The following CCDC192 variants were observed in gnomAD, a reference collection of about 807,000 sequenced individuals.
CCDC192 encodes coiled-coil domain-containing protein 192.
In CCDC192 at chr5:127,844,747, C is replaced by T. The variant is rs1041733452; in HGVS notation, c.412-30791C>T. Among the ~76,000 whole-genome samples the T allele has an allele frequency of 1.3e-5, 2 of 152,268 alleles. 1 individual carries two copies. Among genetic ancestry groups the T allele is most frequent in the African/African-American group, 4.8e-5 (2 of 41,544 alleles). On this transcript the variant is annotated intron_variant, in intron 5 of 6. Coordinates refer to ENST00000514853, the MANE Select transcript of CCDC192 (RefSeq NM_001317938.2). ...AGTGGCAGCCTGCCGAGCAGCCCAG[C>T]CAACAGTGCCCTGTCTTTGCTCTTT... is the stretch of plus-strand genomic sequence containing the variant.
intron 5 of CCDC192, among the ~76,000 whole-genome samples, chr5:127,799,154 C>T (rs1481874753): frequency 6.6e-6 from 1 of 152,146 alleles, no homozygotes; most frequent in Non-Finnish European, 1.5e-5. Flanking sequence ...GCCCCTCAGA[C>T]AGACCTGAGA....
At chr5:127,814,814 A>G (rs980499077) in intron 5 of CCDC192, among the ~76,000 whole-genome samples, 3 of 152,210 alleles carry the variant, frequency 2.0e-5, no homozygotes, top group East Asian at 3.8e-4. Context: ...CTAGCTGCAC[A>G]GCTCCCACTG....
intron 2 of CCDC192, among the ~76,000 whole-genome samples, chr5:127,719,275 A>T (rs771361389): frequency 2.0e-5 from 3 of 151,824 alleles, no homozygotes; most frequent in Non-Finnish European, 4.4e-5. Context: ...TACATCTACC[A>T]CATTTTCTTT....
intron 5 of CCDC192, among the ~76,000 whole-genome samples, chr5:127,807,169 T>C (rs1298642982): frequency 6.6e-6 from 1 of 152,214 alleles, no homozygotes; most frequent in African/African-American, 2.4e-5. Context: ...AAGTGTTCAA[T>C]AAATCTATTA....
chr5:127,783,765 A>C (rs930712649), intron 3 of CCDC192, among the ~76,000 whole-genome samples: 1 of 151,940 alleles, frequency 6.6e-6, no homozygotes, highest in African/African-American at 2.4e-5. Context: ...ATTGCTGTCT[A>C]TCTCATTTCT....
At chr5:127,859,798 T>A (rs1051492835) in intron 5 of CCDC192, among the ~76,000 whole-genome samples, 7 of 152,244 alleles carry the variant, frequency 4.6e-5, no homozygotes, top group Non-Finnish European at 1.0e-4. Context: ...CCACATCATC[T>A]ACCAATTTAC....
intron 3 of CCDC192, among the ~76,000 whole-genome samples, chr5:127,758,471 C>T (rs530759083): frequency 6.6e-6 from 1 of 152,298 alleles, no homozygotes; most frequent in African/African-American, 2.4e-5. Context: ...GCAATTAAGA[C>T]TTATAATCTG....
chr5:127,877,836 T>C (rs1235748954), intron 6 of CCDC192, among the ~76,000 whole-genome samples: 1 of 152,120 alleles, frequency 6.6e-6, no homozygotes, highest in East Asian at 1.9e-4. Context: ...CCCCTGATTA[T>C]CTTGTAAAAT....
rs1209808635 is a variant in CCDC192, at chr5:127,735,667, G to A, written c.115-18601G>A. 4.9e-5 allele frequency among the ~76,000 whole-genome samples: 6 copies of A among 122,990 alleles called. No homozygotes were observed. In the East Asian group the frequency reaches 1.6e-3, roughly 33 times the overall value. 80.7% of individuals were successfully genotyped at this position (122,990 alleles called of 152,430 possible). ...ACATCCCTTGTAAGTTGGATTCCTA[G>A]GTATTTTATTCTCTTTGAAGCAATT... On this transcript the variant is annotated intron_variant, in intron 2 of 6. Transcript: ENST00000514853.
chr5:127,920,077 G>A (rs1470428010), intron 6 of CCDC192, among the ~76,000 whole-genome samples: 1 of 152,216 alleles, frequency 6.6e-6, no homozygotes, highest in Non-Finnish European at 1.5e-5. Flanking sequence ...GCAGAGAGAA[G>A]AGAATTTGAG....
At chr5:127,819,973 A>G (rs1749206637) in intron 5 of CCDC192, among the ~76,000 whole-genome samples, 2 of 152,202 alleles carry the variant, frequency 1.3e-5, no homozygotes, top group Admixed American at 1.3e-4. Context: ...TAAAGCACAC[A>G]CGCACACACA....
chr5:127,762,613 A>C (rs1055830395), intron 3 of CCDC192, among the ~76,000 whole-genome samples: 8 of 152,184 alleles, frequency 5.3e-5, no homozygotes, highest in Non-Finnish European at 8.8e-5. Flanking sequence ...CCTGTTACAT[A>C]ACTAAAAACT....
intron 6 of CCDC192, among the ~76,000 whole-genome samples, chr5:127,906,188 TC>T (rs1267607970): frequency 2.0e-5 from 3 of 152,068 alleles, no homozygotes; most frequent in Non-Finnish European, 4.4e-5. Flanking sequence ...ATAACTGCTC[TC>T]CCCCGCCTGC....
chr5:127,732,967 C>T (rs2126820017), intron 2 of CCDC192, among the ~76,000 whole-genome samples: 1 of 152,164 alleles, frequency 6.6e-6, no homozygotes, highest in South Asian at 2.1e-4. Flanking sequence ...GTGCAACAAA[C>T]CTGCACATCC....
chr5:127,923,199 C>T (rs1228086299), intron 6 of CCDC192, among the ~76,000 whole-genome samples: 1 of 152,164 alleles, frequency 6.6e-6, no homozygotes, highest in Non-Finnish European at 1.5e-5. Flanking sequence ...AAATGATACA[C>T]TATTATTGAA....
chr5:127,842,644 C>A (rs1750341807), intron 5 of CCDC192, among the ~76,000 whole-genome samples: 1 of 152,156 alleles, frequency 6.6e-6, no homozygotes, highest in South Asian at 2.1e-4. Context: ...CAAAATATTC[C>A]AATTTTTAAA....
In CCDC192 at chr5:127,883,124, T is replaced by C. The variant is rs183393257; in HGVS notation, c.535+7463T>C. On this transcript the variant is annotated intron_variant, in intron 6 of 6. Coordinates refer to ENST00000514853, the MANE Select transcript of CCDC192 (RefSeq NM_001317938.2). ...ATATGTAGTCAAAAGCACAGTGTTT[T>C]TGCACTCTGCTCCCTACTCTCTACT... Among the ~76,000 whole-genome samples, 1,384 of 152,320 alleles carry C rather than the reference T, an allele frequency of 9.1e-3. 30 individuals are homozygous for C. The highest frequency in any genetic ancestry group is 0.011 in the Non-Finnish European group (738 of 68,034).
At chr5:127,708,338 G>A (rs1279247909) in intron 2 of CCDC192, among the ~76,000 whole-genome samples, 2 of 152,308 alleles carry the variant, frequency 1.3e-5, no homozygotes, top group Admixed American at 1.3e-4. Flanking sequence ...TCCAGTGAAA[G>A]TGTGGGTTGC....
chr5:127,716,708 C>A (rs1162598624), intron 2 of CCDC192, among the ~76,000 whole-genome samples: 13 of 152,294 alleles, frequency 8.5e-5, no homozygotes, highest in Middle Eastern at 3.4e-3. Flanking sequence ...CAATTTACCA[C>A]AATTACCTGC....
Sources: allele counts gnomAD v4.1 joint callset (sites outside exome capture counted in the v4.1 genomes callset), GRCh38; gene constraint gnomAD v4.1.1; transcripts MANE v1.5; gene names NCBI Gene and HGNC (gene_info 2026-07-23, HGNC 2026-07-21).